Variants in ADGRL2 observed in about 807,000 individuals in gnomAD.
ADGRL2 encodes adhesion G protein-coupled receptor L2, also known as calcium-independent alpha-latrotoxin receptor 2.
In ADGRL2, 44 loss-of-function variants were observed where a neutral mutation model predicts 157.4. The ratio of observed to expected loss-of-function variants is 0.28; its 90% CI spans 0.22 to 0.36. ADGRL2 has a LOEUF of 0.36. Among genes scored for constraint, ADGRL2 ranks in the 10% least tolerant of loss-of-function variants. ADGRL2 has a pLI of 1.00. For missense variants in ADGRL2, 1,510 were observed against 1,768.9 expected (o/e 0.85, Z 2.63); for synonymous variants, 585 against 624.7 (o/e 0.94, Z 0.95).
intron 2 of ADGRL2, among the ~76,000 whole-genome samples, chr1:81,850,727 T>C (rs1221249540): frequency 6.6e-6 from 1 of 152,050 alleles, no homozygotes; most frequent in East Asian, 1.9e-4. Context: ...AAGTAGTTAT[T>C]GAACACTGGA....
intron 17 of ADGRL2, among the ~76,000 whole-genome samples, chr1:81,975,628 A>C (rs890984868): frequency 6.6e-6 from 1 of 151,430 alleles, no homozygotes; most frequent in African/African-American, 2.4e-5. Flanking sequence ...GAAAGAAATC[A>C]CTTATTATAA....
chr1:81,695,905 C>A (rs191929650), upstream of ADGRL2, among the ~76,000 whole-genome samples: 128 of 152,044 alleles, frequency 8.4e-4, 2 homozygotes, highest in South Asian at 0.026. Flanking sequence ...GGGCTTTCTG[C>A]CAGGTTCTTG....
intron 10 of ADGRL2, 59 bp downstream of exon 10, chr1:81,953,084 A>G: frequency 7.3e-7 from 1 of 1,374,806 alleles, no homozygotes; most frequent in Non-Finnish European, 1.0e-6. Context: ...GCCACGCTTT[A>G]TCATCTTGCT....
intron 3 of ADGRL2, among the ~76,000 whole-genome samples, chr1:81,622,338 T>A (rs1182574247): frequency 6.6e-6 from 1 of 152,150 alleles, no homozygotes; most frequent in East Asian, 1.9e-4. Flanking sequence ...ATCCCAGCAC[T>A]TTGGGAGGCC....
intron 1 of ADGRL2, among the ~76,000 whole-genome samples, chr1:81,429,636 C>A (rs1242143123): frequency 6.6e-6 from 1 of 152,214 alleles, no homozygotes; most frequent in Non-Finnish European, 1.5e-5. Context: ...GCTCTTCAAT[C>A]TCTTTCTTAA....
intron 1 of ADGRL2, among the ~76,000 whole-genome samples, chr1:81,700,560 G>C (rs2083544850): frequency 6.6e-6 from 1 of 152,146 alleles, no homozygotes; most frequent in African/African-American, 2.4e-5. Context: ...AATTTTTAAA[G>C]TTTGATGAAT....
chr1:81,699,325 C>T (rs2083510584), upstream of ADGRL2, among the ~76,000 whole-genome samples: 1 of 152,188 alleles, frequency 6.6e-6, no homozygotes, highest in Non-Finnish European at 1.5e-5. Context: ...AGCTGTAGAA[C>T]AGCCCAGTCC....
Position 81,968,170 on chromosome 1 carries a change from G to A in ADGRL2, c.2494G>A (p.Ala832Thr), listed in dbSNP as rs745910426. Residue 832 changes from alanine to threonine, a missense_variant, in exon 14 of 24, where the codon GCA becomes ACA. Physicochemically the swap from Ala to Thr is moderately conservative, Grantham distance 58 (BLOSUM62 0). Around this residue, in one of 4 missense-constraint regions of ADGRL2, gnomAD observed 497 missense variants for 627.2 expected, o/e 0.79. Coordinates refer to ENST00000686636, the MANE Select transcript of ADGRL2 (RefSeq NM_001366006.2). Reference sequence around the variant, plus strand: ...TGCATGCAGCCACCTAACCAATTTTGCAATTCTCATGGCCCACAGGGAAAT... The same window carrying A: ...TGCATGCAGCCACCTAACCAATTTTACAATTCTCATGGCCCACAGGGAAAT... ...TCACSHLTNF[A>T]ILMAHREIAY... 1 of 1,612,196 alleles carries A rather than the reference G, an allele frequency of 6.2e-7. No individual in the cohort carries two copies. The highest frequency in any genetic ancestry group is 8.5e-7 in the Non-Finnish European group (1 of 1,179,560).
intron 1 of ADGRL2, among the ~76,000 whole-genome samples, chr1:81,357,966 G>A (rs1298058888): frequency 6.6e-6 from 1 of 152,124 alleles, no homozygotes; most frequent in Non-Finnish European, 1.5e-5. Context: ...ACATTCAAAT[G>A]TTATAAGAAT....
At chr1:81,343,634 TC>T (rs780699847) in intron 1 of ADGRL2, among the ~76,000 whole-genome samples, 1 of 152,026 alleles carries the variant, frequency 6.6e-6, no homozygotes, top group Non-Finnish European at 1.5e-5. Context: ...TTGGTGAGGT[TC>T]CCTTCCAAGG....
At chr1:81,524,826 G>T (rs1278360090) in intron 2 of ADGRL2, among the ~76,000 whole-genome samples, 1 of 152,012 alleles carries the variant, frequency 6.6e-6, no homozygotes, top group Non-Finnish European at 1.5e-5. Context: ...GATCTCTTGA[G>T]TCCAGGAGTT....
intron 1 of ADGRL2, among the ~76,000 whole-genome samples, chr1:81,416,914 T>A (rs2077042705): frequency 6.6e-6 from 1 of 152,208 alleles, no homozygotes; most frequent in African/African-American, 2.4e-5. Flanking sequence ...ATCTTAGAAT[T>A]GGGCTCAGTA....
intron 1 of ADGRL2, among the ~76,000 whole-genome samples, chr1:81,818,678 G>T (rs2090666517): frequency 6.6e-6 from 1 of 152,148 alleles, no homozygotes; most frequent in South Asian, 2.1e-4. Flanking sequence ...GTACTGTTAT[G>T]TAAGGACTGT....
intron 3 of ADGRL2, among the ~76,000 whole-genome samples, chr1:81,928,115 T>C (rs908040424): frequency 3.3e-5 from 5 of 152,096 alleles, no homozygotes; most frequent in Non-Finnish European, 5.9e-5. Flanking sequence ...AGTTATATGC[T>C]GTGTGTATAA....
At chr1:81,389,600 T>A (rs1036068084) in intron 1 of ADGRL2, among the ~76,000 whole-genome samples, 2 of 152,266 alleles carry the variant, frequency 1.3e-5, no homozygotes, top group East Asian at 1.9e-4. Context: ...GAGGCCTGGA[T>A]TGGGAATGGA....
intron 1 of ADGRL2, among the ~76,000 whole-genome samples, chr1:81,350,310 A>T (rs1257780561): frequency 2.6e-5 from 4 of 152,354 alleles, no homozygotes; most frequent in Non-Finnish European, 5.9e-5. Context: ...ACAATAATTC[A>T]TCTGCTTACT....
chr1:81,466,352 C>T (rs1052243764), intron 2 of ADGRL2, among the ~76,000 whole-genome samples: 2 of 152,118 alleles, frequency 1.3e-5, no homozygotes, highest in African/African-American at 2.4e-5. Flanking sequence ...TAAATAAATT[C>T]GGTTTCGTGC....
chr1:81,387,833 C>CCT (rs1447015450), intron 1 of ADGRL2, among the ~76,000 whole-genome samples: 1 of 152,012 alleles, frequency 6.6e-6, no homozygotes, highest in Non-Finnish European at 1.5e-5. Flanking sequence ...TCCAGTAATA[C>CCT]CTCTGTCTAA....
At chr1:81,486,846 TAAAC>T (rs1002642142) in intron 2 of ADGRL2, among the ~76,000 whole-genome samples, 17 of 152,168 alleles carry the variant, frequency 1.1e-4, no homozygotes, top group South Asian at 1.0e-3. Context: ...GGTAAAAAAA[TAAAC>T]AAAGTGCATA....
Sources: allele counts gnomAD v4.1 joint callset (sites outside exome capture counted in the v4.1 genomes callset), GRCh38; gene constraint gnomAD v4.1.1; regional missense constraint gnomAD v4.1.1; transcripts MANE v1.5; gene names NCBI Gene and HGNC (gene_info 2026-07-23, HGNC 2026-07-21).